ATF7: variants seen among roughly 807,000 people sequenced by gnomAD.
ATF7 encodes the protein activating transcription factor 7, also known as cyclic AMP-dependent transcription factor ATF-7.
ATF7 carries 10 observed loss-of-function variants against 50.4 expected under a neutral mutation model. The ratio of observed to expected loss-of-function variants is 0.20; its 90% CI spans 0.12 to 0.34. The LOEUF (loss-of-function observed/expected upper bound fraction) is 0.34. ATF7 is among the 10% of genes least tolerant of loss of function. The pLI is 1.00. For missense variants in ATF7, 465 were observed against 613.9 expected (o/e 0.76, Z 2.56); for synonymous variants, 201 against 226.4 (o/e 0.89, Z 1.01).
chr12:53,621,610 C>T (rs955203968), intron 1 of ATF7, among the ~76,000 whole-genome samples: 22 of 151,148 alleles, frequency 1.5e-4, no homozygotes, highest in Non-Finnish European at 2.4e-4. Flanking sequence ...GGTGAAACCC[C>T]GTCTCTTCTA....
chr12:53,587,843 A>ATATATATATATATTTTTTTTT, intron 2 of ATF7, among the ~76,000 whole-genome samples: 2 of 61,568 alleles, frequency 3.2e-5, no homozygotes, highest in African/African-American at 5.1e-5. Flanking sequence ...ATATATATAT[A>ATATATATATATATTTTTTTTT]TTTTTTTTTT....
chr12:53,550,323 C>CAAAAAAAAAAAA (rs72114384), intron 3 of ATF7, among the ~76,000 whole-genome samples: 1 of 126,366 alleles, frequency 7.9e-6, no homozygotes, highest in African/African-American at 3.0e-5. Context: ...GACCCTGTCT[C>CAAAAAAAAAAAA]AAAAAAAAAA....
At chr12:53,554,912 C>T (rs1940625116) in intron 2 of ATF7, among the ~76,000 whole-genome samples, 1 of 133,462 alleles carries the variant, frequency 7.5e-6, no homozygotes, top group East Asian at 2.6e-4. Flanking sequence ...TCAGTGGTTT[C>T]TGATTGATCT....
At chr12:53,536,764 T>C (rs1049874535) in intron 5 of ATF7, among the ~76,000 whole-genome samples, 15 of 151,934 alleles carry the variant, frequency 9.9e-5, no homozygotes, top group African/African-American at 2.9e-4. Context: ...GGCACGCACC[T>C]GTAGTCCCAG....
At chr12:53,543,220 T>A in intron 4 of ATF7, 110 bp downstream of exon 4, 1 of 1,550,266 alleles carries the variant, frequency 6.5e-7, no homozygotes, top group Non-Finnish European at 8.7e-7. Flanking sequence ...TTTACTCTAC[T>A]AAGCCCATGA....
chr12:53,567,043 C>T (rs939907413), intron 2 of ATF7, among the ~76,000 whole-genome samples: 3 of 152,190 alleles, frequency 2.0e-5, no homozygotes, highest in African/African-American at 7.2e-5. Flanking sequence ...TGAGCCATTG[C>T]GCCCAGCCTG....
intron 2 of ATF7, among the ~76,000 whole-genome samples, chr12:53,573,526 AT>A (rs1009449804): frequency 2.0e-5 from 3 of 150,672 alleles, no homozygotes; most frequent in African/African-American, 4.9e-5. Context: ...ATTCTGCGGA[AT>A]TTTTTTTTTC....
chr12:53,517,538 G>T (rs1297532293), intron 11 of ATF7, 184 bp from the exon 12 acceptor site: 2 of 619,050 alleles, frequency 3.2e-6, no homozygotes, highest in South Asian at 2.0e-5. Flanking sequence ...GAAATGGGAA[G>T]TTGTAAGAAG....
rs1207300455 is a variant in ATF7, at chr12:53,524,770, CAGGA to C, written c.928-13_928-10del. On this transcript the variant is annotated splice_polypyrimidine_tract_variant and intron_variant, in intron 9 of 11. Coordinates refer to ENST00000420353, the MANE Select transcript of ATF7 (RefSeq NM_006856.3). This position sits in a 1 kb window ranked among gnomAD's most constrained non-coding sequence, Gnocchi z 4.6. ...GGCTGAGCTGGTGAGACCTGGTGCC[CAGGA>C]AGGAAGAGAGGTTACTTGATGGGAA... The C allele has an allele frequency of 1.3e-6, 2 of 1,585,426 alleles. No individual in the cohort carries two copies. Among genetic ancestry groups the C allele is most frequent in the African/African-American group, 1.3e-5 (1 of 74,208 alleles).
chr12:53,539,895 C>T (rs896406244), intron 4 of ATF7, among the ~76,000 whole-genome samples: 4 of 150,872 alleles, frequency 2.7e-5, no homozygotes, highest in Non-Finnish European at 5.9e-5. Flanking sequence ...ATGGCAAAAC[C>T]CCATCTCTAA....
Position 53,513,371 on chromosome 12 carries a change from A to G in ATF7, c.*3766T>C, listed in dbSNP as rs1944189561. ...TTGTGTGTACAAACAGACACAGAGA[A>G]ATCAGTCCTGTACTATGAGAGGGAT... On this transcript the variant is annotated 3_prime_UTR_variant, in exon 12 of 12. Transcript: ENST00000420353. The G allele has an allele frequency of 6.6e-6, 1 of 152,172 alleles. No homozygotes were observed. Among genetic ancestry groups the G allele is most frequent in the African/African-American group, 2.4e-5 (1 of 41,454 alleles). 9.4% of individuals were successfully genotyped at this position (152,172 alleles called of 1,614,324 possible). A position where few individuals can be genotyped will look rare whatever the true frequency, so the allele number is the denominator to read the frequency against.
At chr12:53,603,724 TA>T (rs966226042) in intron 1 of ATF7, among the ~76,000 whole-genome samples, 1,781 of 144,974 alleles carry the variant, frequency 0.012, 37 homozygotes, top group African/African-American at 0.041. Context: ...GTCTCCCCAT[TA>T]AAAAAAAAAA....
intron 9 of ATF7, 35 bp downstream of exon 9, chr12:53,531,709 A>ATT: frequency 1.9e-6 from 3 of 1,581,512 alleles, no homozygotes; most frequent in Non-Finnish European, 2.6e-6. Context: ...AAGATACGTC[A>ATT]TAAAGATATG....
At chr12:53,544,303 T>G (rs183921181) in intron 3 of ATF7, among the ~76,000 whole-genome samples, 9 of 152,342 alleles carry the variant, frequency 5.9e-5, no homozygotes, top group African/African-American at 2.2e-4. Flanking sequence ...TAGACCTGAA[T>G]CTTGTTCACA....
rs1938919780 is a variant in ATF7 at position 53,531,858 on chromosome 12, G to C, written c.813C>G (p.Ile271Met). 6.2e-7 allele frequency: 1 copy of C among 1,613,626 alleles called. No homozygotes were observed. Among genetic ancestry groups the C allele is most frequent in the Admixed American group, 1.7e-5 (1 of 59,978 alleles). The change falls in exon 9 of 12, where the codon ATC (isoleucine) becomes ATG (methionine). Residue 271 changes from isoleucine (I) to methionine (M), a missense_variant. Physicochemically the swap from Ile to Met is conservative, Grantham distance 10. Transcript: ENST00000420353. ...CCACCACCATTCCACAACCACCATT[G>C]ATTGAGGAGACTTGGTGAGTTAGGG... Reference protein sequence around the residue: ...KATLTHQVSSINGGCGMVVGT... With the variant: ...KATLTHQVSSMNGGCGMVVGT...
At chr12:53,562,867 C>A (rs748167285) in intron 2 of ATF7, among the ~76,000 whole-genome samples, 1 of 151,872 alleles carries the variant, frequency 6.6e-6, no homozygotes, top group African/African-American at 2.4e-5. Flanking sequence ...AAAATGGCAG[C>A]AATGGGGATT....
intron 2 of ATF7, among the ~76,000 whole-genome samples, chr12:53,581,110 TC>T (rs1388932983): frequency 6.9e-6 from 1 of 144,510 alleles, no homozygotes; most frequent in East Asian, 2.1e-4. Flanking sequence ...AGATTCCATC[TC>T]AAAAAAAAAA....
chr12:53,535,450 C>A (rs1565929773), intron 5 of ATF7, among the ~76,000 whole-genome samples: 2 of 151,762 alleles, frequency 1.3e-5, no homozygotes, highest in Non-Finnish European at 2.9e-5. Context: ...GATGCTCTAT[C>A]CATAGTGGAT....
At chr12:53,618,899 A>G (rs1944259018) in intron 1 of ATF7, among the ~76,000 whole-genome samples, 1 of 151,912 alleles carries the variant, frequency 6.6e-6, no homozygotes, top group African/African-American at 2.4e-5. Flanking sequence ...TAAAACACAA[A>G]AAGTTAGCCG....
Sources: allele counts gnomAD v4.1 joint callset (sites outside exome capture counted in the v4.1 genomes callset), GRCh38; gene constraint gnomAD v4.1.1; non-coding constraint Gnocchi (gnomAD v3.1); transcripts MANE v1.5; gene names NCBI Gene and HGNC (gene_info 2026-07-23, HGNC 2026-07-21).